The following NETO1 variants were observed in gnomAD, a reference collection of about 807,000 sequenced individuals.
The protein encoded by NETO1 is neuropilin and tolloid-like protein 1.
In NETO1, 26 loss-of-function variants were observed where a neutral mutation model predicts 61.3. The observed-to-expected ratio is 0.42, with a 90% CI of 0.31 to 0.59. NETO1 has a LOEUF of 0.59. NETO1 is among the 20% of genes least tolerant of loss of function. NETO1 has a pLI of 0.12. For missense variants in NETO1, 531 were observed against 662.8 expected (o/e 0.80, Z 2.18); for synonymous variants, 225 against 225.8 (o/e 1.00, Z 0.03).
rs1452548844 is a variant in NETO1, at chr18:72,749,100, T to C, written c.1542-12A>G. ...CAATGAGGCAGAACCTGGAATGTTA[T>C]GGCTATTTCATTCAACAAAGTACTA... On this transcript the variant is annotated splice_polypyrimidine_tract_variant and intron_variant, in intron 9 of 10. Coordinates refer to ENST00000327305, the MANE Select transcript of NETO1 (RefSeq NM_138966.5). The C allele has an allele frequency of 3.9e-6, 6 of 1,526,738 alleles. No individual in the cohort carries two copies. The Admixed American group carries it at 6.7e-5, about 17-fold the overall frequency. 94.6% of individuals were successfully genotyped at this position (1,526,738 alleles called of 1,614,324 possible). A position where few individuals can be genotyped will look rare whatever the true frequency, so the allele number is the denominator to read the frequency against.
At chr18:72,855,246 A>G (rs2074381243) in intron 4 of NETO1, among the ~76,000 whole-genome samples, 1 of 152,218 alleles carries the variant, frequency 6.6e-6, no homozygotes, top group Non-Finnish European at 1.5e-5. Flanking sequence ...CATCATCCAC[A>G]GGGTGCTCAC....
At chr18:72,764,978 C>T (rs1490633081) in intron 7 of NETO1, among the ~76,000 whole-genome samples, 1 of 152,128 alleles carries the variant, frequency 6.6e-6, no homozygotes, top group African/African-American at 2.4e-5. Flanking sequence ...TCACTGACAG[C>T]AATCTTACAT....
chr18:72,762,968 G>C (rs893429978), intron 7 of NETO1, among the ~76,000 whole-genome samples: 1 of 152,118 alleles, frequency 6.6e-6, no homozygotes, highest in Non-Finnish European at 1.5e-5. Flanking sequence ...AAGAATCATA[G>C]AACACATTGT....
chr18:72,779,826 A>G (rs2071677428), intron 7 of NETO1, among the ~76,000 whole-genome samples: 1 of 152,200 alleles, frequency 6.6e-6, no homozygotes, highest in African/African-American at 2.4e-5. Context: ...TGGCTTATAA[A>G]AAACAGGGTT....
intron 7 of NETO1, among the ~76,000 whole-genome samples, chr18:72,767,902 G>A (rs2000809): frequency 0.71 from 107,730 of 152,080 alleles, 38,278 homozygotes; most frequent in Admixed American, 0.77. Context: ...TCTCACTAAC[G>A]GATACAATAC....
intron 4 of NETO1, among the ~76,000 whole-genome samples, chr18:72,815,980 A>C (rs1047563185): frequency 3.3e-5 from 5 of 152,210 alleles, no homozygotes; most frequent in Admixed American, 3.3e-4. Context: ...TTAGGTGCAG[A>C]CAGGTACAGA....
Position 72,783,820 on chromosome 18 carries a change from G to T in NETO1, c.726C>A (p.Ser242=). The T allele has an allele frequency of 6.2e-7, 1 of 1,614,076 alleles. No individual in the cohort carries two copies. ...NFVAVYDGSS[S]VEDLKAKFCS... ...AGAACTTAGCTTTCAAATCCTCCAC[G>T]GAACTGCTTCCATCATACACAGCCA... is the stretch of plus-strand genomic sequence containing the variant. The change falls in exon 7 of 11, where the codon TCC becomes TCA. Residue 242 remains serine, a synonymous_variant. Transcript: ENST00000327305.
At chr18:72,805,225 A>G (rs1286185390) in intron 4 of NETO1, among the ~76,000 whole-genome samples, 4 of 152,154 alleles carry the variant, frequency 2.6e-5, no homozygotes, top group Admixed American at 6.5e-5. Context: ...GAGAATGCAG[A>G]CTTTAGAATC....
chr18:72,865,042 A>G, intron 2 of NETO1, 97 bp from the exon 3 acceptor site: 1 of 1,443,328 alleles, frequency 6.9e-7, no homozygotes, highest in Non-Finnish European at 9.4e-7. Context: ...TTAGTAAATT[A>G]ATTTTTAAAT....
At chr18:72,859,132 T>C in intron 3 of NETO1, 58 bp from the exon 4 acceptor site, 1 of 1,477,124 alleles carries the variant, frequency 6.8e-7, no homozygotes, top group Non-Finnish European at 9.1e-7. Flanking sequence ...AGGTTGATGT[T>C]TTCTGATTCT....
intron 4 of NETO1, among the ~76,000 whole-genome samples, chr18:72,823,757 C>A (rs1341935801): frequency 2.0e-5 from 3 of 152,094 alleles, no homozygotes; most frequent in African/African-American, 7.2e-5. Context: ...ATATAAAATT[C>A]ACATGCTTGT....
chr18:72,814,593 G>T (rs1184883496), intron 4 of NETO1, among the ~76,000 whole-genome samples: 2 of 152,008 alleles, frequency 1.3e-5, no homozygotes, highest in Non-Finnish European at 2.9e-5. Context: ...AACTGGACTA[G>T]AACACAAATC....
intron 4 of NETO1, among the ~76,000 whole-genome samples, chr18:72,799,168 A>G (rs1168482496): frequency 6.6e-6 from 1 of 152,190 alleles, no homozygotes; most frequent in Non-Finnish European, 1.5e-5. Context: ...ATGAACTTTT[A>G]GGAGAGGCTG....
chr18:72,845,702 G>A (rs1444434255), intron 4 of NETO1, among the ~76,000 whole-genome samples: 1 of 152,154 alleles, frequency 6.6e-6, no homozygotes, highest in Non-Finnish European at 1.5e-5. Flanking sequence ...ATAGGTTACA[G>A]GAAAATAACT....
chr18:72,752,228 G>A (rs2070643793), intron 8 of NETO1, among the ~76,000 whole-genome samples: 1 of 152,158 alleles, frequency 6.6e-6, no homozygotes, highest in East Asian at 1.9e-4. Context: ...GACTACCCTT[G>A]CAATTAATTA....
At chr18:72,813,674 T>C (rs370969925) in intron 4 of NETO1, among the ~76,000 whole-genome samples, 9 of 151,890 alleles carry the variant, frequency 5.9e-5, no homozygotes, top group Middle Eastern at 3.2e-3. Context: ...AAAAACTCAA[T>C]AGACAGATTT....
In NETO1 at chr18:72,746,276, T is replaced by C; in HGVS notation, c.*1903A>G. On this transcript the variant is annotated 3_prime_UTR_variant, in exon 11 of 11. Coordinates refer to ENST00000327305, the MANE Select transcript of NETO1 (RefSeq NM_138966.5). Reference sequence around the variant, plus strand: ...TAAATGGAGAAAGCAATATAAGATATGATTAATCCTTTAAAAAAATCTTTG... The same window carrying C: ...TAAATGGAGAAAGCAATATAAGATACGATTAATCCTTTAAAAAAATCTTTG... Among the ~76,000 whole-genome samples the C allele has an allele frequency of 6.6e-6, 1 of 152,104 alleles. No homozygotes were observed. The highest frequency in any genetic ancestry group is 6.6e-5 in the Admixed American group (1 of 15,248).
At chr18:72,809,669 A>G (rs1000390275) in intron 4 of NETO1, among the ~76,000 whole-genome samples, 1 of 152,262 alleles carries the variant, frequency 6.6e-6, no homozygotes, top group African/African-American at 2.4e-5. Context: ...AAATTTATTT[A>G]CAAATCAAAT....
chr18:72,782,558 A>G (rs1487798006), intron 7 of NETO1, among the ~76,000 whole-genome samples: 2 of 152,110 alleles, frequency 1.3e-5, no homozygotes, highest in South Asian at 2.1e-4. Flanking sequence ...TAATCCCAGC[A>G]CTTTGGGAGG....
Sources: allele counts gnomAD v4.1 joint callset (sites outside exome capture counted in the v4.1 genomes callset), GRCh38; gene constraint gnomAD v4.1.1; transcripts MANE v1.5; gene names NCBI Gene and HGNC (gene_info 2026-07-23, HGNC 2026-07-21).